The following LSAMP variants were observed in gnomAD, a reference collection of about 807,000 sequenced individuals.
The protein encoded by LSAMP is limbic system-associated membrane protein.
Under a neutral mutation model 38.6 loss-of-function variants are expected in LSAMP, and 7 were observed. The observed-to-expected ratio is 0.18, with a 90% CI of 0.10 to 0.34. The LOEUF (loss-of-function observed/expected upper bound fraction) is 0.34. LSAMP is among the 10% of genes least tolerant of loss of function. LSAMP has a pLI of 1.00. For synonymous variants in LSAMP, 154 were observed against 166.8 expected (o/e 0.92, Z 0.59); for missense variants, 313 against 420.0 (o/e 0.75, Z 2.23).
At chr3:116,435,555 C>A (rs1013466802) in intron 1 of LSAMP, among the ~76,000 whole-genome samples, 1 of 152,148 alleles carries the variant, frequency 6.6e-6, no homozygotes, top group African/African-American at 2.4e-5. Context: ...TCTTGTCCTG[C>A]GTGCCACACC....
intron 1 of LSAMP, among the ~76,000 whole-genome samples, chr3:116,134,254 A>G (rs1709197985): frequency 6.6e-6 from 1 of 152,162 alleles, no homozygotes. Context: ...CCCCATGCCC[A>G]TTTACATTTA....
chr3:116,403,740 T>C (rs1198597507), intron 1 of LSAMP, among the ~76,000 whole-genome samples: 3 of 150,856 alleles, frequency 2.0e-5, no homozygotes, highest in Non-Finnish European at 4.4e-5. Flanking sequence ...AGATTTGGCA[T>C]AGAATCTTTT....
chr3:116,178,701 G>T (rs1710412339), intron 1 of LSAMP, among the ~76,000 whole-genome samples: 1 of 152,088 alleles, frequency 6.6e-6, no homozygotes, highest in African/African-American at 2.4e-5. Flanking sequence ...TCACTTGGGA[G>T]CCCAAGATAA....
chr3:115,805,022 C>G lies in LSAMP; in HGVS notation c.*5295G>C, dbSNP rs1432050057. 6.6e-6 allele frequency: 1 copy of G among 152,142 alleles called. No individual in the cohort carries two copies. Among genetic ancestry groups the G allele is most frequent in the East Asian group, 1.9e-4 (1 of 5,194 alleles). 9.4% of individuals were successfully genotyped at this position (152,142 alleles called of 1,614,324 possible). On this transcript the variant is annotated 3_prime_UTR_variant, in exon 7 of 7. Transcript: ENST00000490035. The stretch of plus-strand genomic sequence containing the variant: ...GCTTTTGTTGAATGGAAAATAAAAA[C>G]TGAGTAATATTTTGCTCATCAAGGT...
intron 1 of LSAMP, among the ~76,000 whole-genome samples, chr3:116,223,027 C>T (rs986138304): frequency 7.3e-5 from 11 of 151,304 alleles, no homozygotes; most frequent in Admixed American, 1.3e-4. Context: ...CGTGAGCCAC[C>T]GCGCCCGGCC....
intron 3 of LSAMP, among the ~76,000 whole-genome samples, chr3:115,902,346 A>G (rs569792967): frequency 1.3e-5 from 2 of 152,202 alleles, no homozygotes; most frequent in South Asian, 2.1e-4. Flanking sequence ...AGCACAACTA[A>G]AAGTTTACTC....
chr3:116,408,156 A>G (rs1188859566), intron 1 of LSAMP, among the ~76,000 whole-genome samples: 1 of 152,134 alleles, frequency 6.6e-6, no homozygotes, highest in East Asian at 1.9e-4. Context: ...CCATCTTTAC[A>G]CATATCTATG....
At chr3:116,199,596 T>C (rs2045962476) in intron 1 of LSAMP, among the ~76,000 whole-genome samples, 1 of 152,102 alleles carries the variant, frequency 6.6e-6, no homozygotes, top group African/African-American at 2.4e-5. Flanking sequence ...AGCAAATAAA[T>C]GAGTGAGACA....
intron 1 of LSAMP, among the ~76,000 whole-genome samples, chr3:116,153,502 A>G (rs978135938): frequency 1.2e-4 from 18 of 152,260 alleles, no homozygotes; most frequent in African/African-American, 4.3e-4. Context: ...AAAGAACTCA[A>G]CAAGGATAAA....
intron 1 of LSAMP, among the ~76,000 whole-genome samples, chr3:116,262,922 A>G (rs911844689): frequency 1.3e-5 from 2 of 152,182 alleles, no homozygotes; most frequent in African/African-American, 2.4e-5. Context: ...CTTCAGATAC[A>G]TTCATAGAAA....
At position 116,230,723 on chromosome 3, in the gene LSAMP, C is replaced by T. The variant is rs569584876; in HGVS notation, c.156-144167G>A. On this transcript the variant is annotated intron_variant, in intron 1 of 6. Coordinates refer to ENST00000490035, the MANE Select transcript of LSAMP (RefSeq NM_002338.5). ...CTGCCTCAGCTCCTTGGAACCCACT[C>T]GGCTTTTGTGCGCTGATGCATTTAC... Among the ~76,000 whole-genome samples, 27 of 152,190 alleles carry T rather than the reference C, an allele frequency of 1.8e-4. 1 individual carries two copies. Among genetic ancestry groups the T allele is most frequent in the Middle Eastern group, 3.4e-3 (1 of 294 alleles).
intron 1 of LSAMP, among the ~76,000 whole-genome samples, chr3:116,259,554 G>C (rs2046798042): frequency 6.6e-6 from 1 of 152,026 alleles, no homozygotes; most frequent in African/African-American, 2.4e-5. Context: ...ATTTCGTTTT[G>C]CTAGATTACT....
rs115265421 is a variant in LSAMP at position 116,384,020 on chromosome 3, T to C, written c.155+60857A>G. Reference sequence around the variant, plus strand: ...AACCTACTAACCTCAGACCAAGCCATGTAAAGGGACTTTGTTAAACAAGTA... The same window carrying C: ...AACCTACTAACCTCAGACCAAGCCACGTAAAGGGACTTTGTTAAACAAGTA... On this transcript the variant is annotated intron_variant, in intron 1 of 6. Transcript: ENST00000490035. Among the ~76,000 whole-genome samples the C allele has an allele frequency of 4.3e-3, 657 of 152,214 alleles. 8 individuals carry two copies. Among genetic ancestry groups the C allele is most frequent in the African/African-American group, 0.015 (623 of 41,520 alleles).
intron 1 of LSAMP, among the ~76,000 whole-genome samples, chr3:116,273,877 C>T (rs189839956): frequency 1.4e-3 from 212 of 149,678 alleles, no homozygotes; most frequent in Admixed American, 9.6e-3. Flanking sequence ...TTCTAATCCA[C>T]GGTCAAACAC....
At chr3:116,175,330 G>T (rs76042711) in intron 1 of LSAMP, among the ~76,000 whole-genome samples, 2,049 of 152,086 alleles carry the variant, frequency 0.013, 36 homozygotes, top group African/African-American at 0.04. Flanking sequence ...ATAGTGATCA[G>T]ATCAATGTAA....
chr3:116,189,587 A>G (rs13065639), intron 1 of LSAMP, among the ~76,000 whole-genome samples: 6,663 of 152,306 alleles, frequency 0.044, 196 homozygotes, highest in Middle Eastern at 0.13. Flanking sequence ...CTGTGAACAC[A>G]TTGCCTGCAA....
intron 3 of LSAMP, among the ~76,000 whole-genome samples, chr3:115,986,332 T>C (rs1266381131): frequency 6.6e-6 from 1 of 152,068 alleles, no homozygotes; most frequent in Non-Finnish European, 1.5e-5. Flanking sequence ...CAAAAGAACA[T>C]TGAGCATAGT....
chr3:116,359,526 A>G (rs2048273949), intron 1 of LSAMP, among the ~76,000 whole-genome samples: 1 of 152,240 alleles, frequency 6.6e-6, no homozygotes, highest in African/African-American at 2.4e-5. Flanking sequence ...AACTTGACTC[A>G]TATTACCCTG....
At chr3:116,068,770 T>C (rs1311573412) in intron 2 of LSAMP, among the ~76,000 whole-genome samples, 1 of 152,220 alleles carries the variant, frequency 6.6e-6, no homozygotes, top group East Asian at 1.9e-4. Flanking sequence ...AAATAAGATA[T>C]TCATTCATTA....
Sources: gnomAD v4.1 joint callset for allele counts (sites outside exome capture counted in the v4.1 genomes callset) on GRCh38, gnomAD v4.1.1 for gene constraint, MANE v1.5 for transcripts, NCBI Gene and HGNC (gene_info 2026-07-23, HGNC 2026-07-21) for gene names.